The following MIER3 variants were observed in gnomAD, a reference collection of about 807,000 sequenced individuals.
MIER3 encodes the protein mesoderm induction early response protein 3.
In MIER3, 9 loss-of-function variants were observed where a neutral mutation model predicts 63.2. The observed-to-expected ratio is 0.14, with a 90% CI of 0.09 to 0.25. The LOEUF is 0.25. MIER3 is among the 10% of genes least tolerant of loss of function. The pLI is 1.00. For synonymous variants in MIER3, 205 were observed against 224.9 expected (o/e 0.91, Z 0.79); for missense variants, 512 against 666.2 (o/e 0.77, Z 2.55).
At chr5:56,932,087 T>C (rs537118149) in intron 8 of MIER3, among the ~76,000 whole-genome samples, 231 of 151,984 alleles carry the variant, frequency 1.5e-3, no homozygotes, top group Non-Finnish European at 2.5e-3. Context: ...GGTCAAGAGT[T>C]TGAGACCAGC....
At chr5:56,947,619 T>C (rs1750870638) in intron 2 of MIER3, among the ~76,000 whole-genome samples, 1 of 152,208 alleles carries the variant, frequency 6.6e-6, no homozygotes. Context: ...GCCATTCAGC[T>C]TTTAAAAGCA....
At chr5:56,945,748 C>G (rs1243098956) in intron 3 of MIER3, among the ~76,000 whole-genome samples, 1 of 152,132 alleles carries the variant, frequency 6.6e-6, no homozygotes, top group Non-Finnish European at 1.5e-5. Context: ...AACATAAAAA[C>G]TTATAATTCT....
chr5:56,937,589 C>T lies in MIER3; in HGVS notation c.425G>A (p.Arg142Lys), dbSNP rs1305235529. 3.1e-6 allele frequency: 5 copies of T among 1,608,432 alleles called. No individual in the cohort carries two copies. Among genetic ancestry groups the T allele is most frequent in the African/African-American group, 1.3e-5 (1 of 74,700 alleles). The stretch of plus-strand genomic sequence containing the variant: ...ACTGGGTTTCTTACATCGTAAAGGC[C>T]TAGGGAAGAAATCAGAAGTTTCATG... ...TSHETSDFFPRPLRSNTACDG... is the reference protein window; with the variant it reads ...TSHETSDFFPKPLRSNTACDG... Residue 142 changes from arginine to lysine, a missense_variant, in exon 5 of 13, where the codon AGG becomes AAG. By Grantham distance (26) the Arg-to-Lys change is conservative. This residue lies in a region of MIER3 where 44 missense variants were observed against 87.6 expected (regional missense o/e 0.50). Transcript: ENST00000381199.
intron 2 of MIER3, among the ~76,000 whole-genome samples, chr5:56,947,891 GAAGAA>G (rs1001694267): frequency 1.3e-5 from 2 of 152,138 alleles, no homozygotes; most frequent in East Asian, 1.9e-4. Context: ...AAAACCAAGA[GAAGAA>G]ATGACTAAAA....
chr5:56,946,721 T>C (rs2034243), intron 3 of MIER3, among the ~76,000 whole-genome samples: 146,423 of 152,060 alleles, frequency 0.96, 70,546 homozygotes, highest in Middle Eastern at 1. Context: ...CTTCACTGTG[T>C]TGATATAAGC....
chr5:56,950,918 C>G (rs1439983622), intron 1 of MIER3, among the ~76,000 whole-genome samples: 1 of 152,078 alleles, frequency 6.6e-6, no homozygotes, highest in Non-Finnish European at 1.5e-5. Context: ...CTTCTTGGAG[C>G]TCAGCAAGTT....
At chr5:56,939,417 A>C (rs1405405181) in intron 3 of MIER3, among the ~76,000 whole-genome samples, 1 of 152,174 alleles carries the variant, frequency 6.6e-6, no homozygotes, top group African/African-American at 2.4e-5. Flanking sequence ...CACTTGCTTT[A>C]TTCTTCATGT....
chr5:56,923,416 TAAATTAAAAC>T lies in MIER3; in HGVS notation c.1355_1364del (p.Cys452TyrfsTer11). The T allele has an allele frequency of 6.2e-7, 1 of 1,614,144 alleles. No homozygotes were observed. Among genetic ancestry groups the T allele is most frequent in the Non-Finnish European group, 8.5e-7 (1 of 1,180,014 alleles). On this transcript the variant is annotated frameshift_variant, in exon 13 of 13. Transcript: ENST00000381199. LOFTEE classifies it high-confidence loss of function. ...CCGAGTGATAAAATCCAGTCTCAAA[TAAATTAAAAC>T]AATCACTTTCCCCATTGCTGGGCAG...
chr5:56,950,991 T>A (rs1405608227), intron 1 of MIER3, among the ~76,000 whole-genome samples: 1 of 152,022 alleles, frequency 6.6e-6, no homozygotes, highest in African/African-American at 2.4e-5. Flanking sequence ...ATCCCTGGCA[T>A]CTCCGGAGTC....
intron 10 of MIER3, chr5:56,925,538 T>C: frequency 4.5e-6 from 1 of 224,040 alleles, no homozygotes; most frequent in East Asian, 1.3e-4. Context: ...TACTTGGGTA[T>C]AAATATAACA....
At chr5:56,944,128 A>G (rs1055760982) in intron 3 of MIER3, among the ~76,000 whole-genome samples, 3 of 152,164 alleles carry the variant, frequency 2.0e-5, no homozygotes, top group Non-Finnish European at 4.4e-5. Flanking sequence ...GCCTGATACT[A>G]AAGTGCAAAC....
At chr5:56,950,736 G>T in intron 1 of MIER3, 84 bp from the exon 2 acceptor site, 2 of 1,505,000 alleles carry the variant, frequency 1.3e-6, no homozygotes, top group Non-Finnish European at 9.2e-7. Context: ...AGAGGAGGCG[G>T]AGTCGAGCGC....
At chr5:56,928,159 A>G in intron 10 of MIER3, 1 of 152,238 alleles carries the variant, frequency 6.6e-6, no homozygotes, top group East Asian at 1.9e-4. Flanking sequence ...ATTATGATGA[A>G]AGCTGCTATA....
chr5:56,937,520 T>C, intron 5 of MIER3, 58 bp downstream of exon 5: 1 of 1,456,098 alleles, frequency 6.9e-7, no homozygotes, highest in Non-Finnish European at 9.2e-7. Context: ...CACAATAAAA[T>C]GTACTAAAGC....
upstream of MIER3, chr5:56,952,205 C>T: frequency 2.0e-6 from 2 of 1,011,586 alleles, no homozygotes; most frequent in Non-Finnish European, 1.2e-6. Context: ...CCGCCCGGCA[C>T]CCGCCCGGCG....
chr5:56,929,071 T>A (rs1280506547), intron 9 of MIER3: 4 of 443,714 alleles, frequency 9.0e-6, no homozygotes, highest in Non-Finnish European at 1.6e-5. Flanking sequence ...GCATGCATAC[T>A]ACAGTTCAAG....
chr5:56,928,533 T>C (rs1750113943), intron 10 of MIER3: 3 of 317,612 alleles, frequency 9.4e-6, no homozygotes, highest in Non-Finnish European at 1.7e-5. Context: ...AAAAATACAG[T>C]GAGTCCACTT....
chr5:56,940,732 TCACCTA>T, intron 3 of MIER3, among the ~76,000 whole-genome samples: 2 of 152,306 alleles, frequency 1.3e-5, no homozygotes, highest in Admixed American at 1.3e-4. Flanking sequence ...AGGGTGAAGT[TCACCTA>T]CACCATGGGG....
At chr5:56,947,370 C>G (rs1467815833) in intron 2 of MIER3, among the ~76,000 whole-genome samples, 1 of 152,050 alleles carries the variant, frequency 6.6e-6, no homozygotes, top group African/African-American at 2.4e-5. Flanking sequence ...AAGAAACATT[C>G]TAATAGAAAA....
Sources: gnomAD v4.1 joint callset for allele counts (sites outside exome capture counted in the v4.1 genomes callset) on GRCh38, gnomAD v4.1.1 for gene constraint, gnomAD v4.1.1 regional missense constraint, MANE v1.5 for transcripts, NCBI Gene and HGNC (gene_info 2026-07-23, HGNC 2026-07-21) for gene names.